KLHL2: variants seen among roughly 807,000 people sequenced by gnomAD.
KLHL2 encodes kelch-like protein 2.
In KLHL2, 15 loss-of-function variants were observed where a neutral mutation model predicts 75.8. The observed-to-expected ratio is 0.20, with a 90% CI of 0.13 to 0.30. The LOEUF is 0.30. Among genes scored for constraint, KLHL2 ranks in the 10% least tolerant of loss-of-function variants. KLHL2 has a pLI of 1.00. For synonymous variants in KLHL2, 214 were observed against 251.9 expected, an observed-to-expected ratio of 0.85 and a Z score of 1.42; for missense variants, 381 against 741.0, an observed-to-expected ratio of 0.51 and a Z score of 5.64.
intron 5 of KLHL2, among the ~76,000 whole-genome samples, chr4:165,276,942 T>A (rs1052053801): frequency 6.6e-6 from 1 of 152,192 alleles, no homozygotes; most frequent in African/African-American, 2.4e-5. Flanking sequence ...CTTCTTTTTT[T>A]AGGCTAAGAC....
chr4:165,226,644 T>C (rs1242904801), intron 2 of KLHL2, among the ~76,000 whole-genome samples: 1 of 152,190 alleles, frequency 6.6e-6, no homozygotes, highest in Non-Finnish European at 1.5e-5. Context: ...TCTGTAGAGG[T>C]AGTGCTTAAA....
At chr4:165,273,628 T>C (rs1166686261) in intron 5 of KLHL2, among the ~76,000 whole-genome samples, 1 of 152,190 alleles carries the variant, frequency 6.6e-6, no homozygotes, top group Admixed American at 6.5e-5. Flanking sequence ...CTCTCTCTCT[T>C]TGCCTGCTGC....
intron 6 of KLHL2, among the ~76,000 whole-genome samples, chr4:165,297,033 C>T (rs1156229939): frequency 6.6e-6 from 1 of 151,992 alleles, no homozygotes; most frequent in Non-Finnish European, 1.5e-5. Context: ...TATTTTTGGT[C>T]TCAGTTATCC....
chr4:165,228,802 C>T lies in KLHL2; in HGVS notation c.153-5C>T, dbSNP rs756268827. ...TTAAATTTTTTCTCTCTGCTTTTTACACAGTCAAAATTTGCTGTGCGATGT... is the reference window on the plus strand; with the variant it reads ...TTAAATTTTTTCTCTCTGCTTTTTATACAGTCAAAATTTGCTGTGCGATGT... On this transcript the variant is annotated splice_region_variant and splice_polypyrimidine_tract_variant and intron_variant, in intron 2 of 14. Coordinates refer to ENST00000226725, the MANE Select transcript of KLHL2 (RefSeq NM_007246.4). 1.1e-5 allele frequency: 18 copies of T among 1,601,236 alleles called. No individual in the cohort carries two copies. In the South Asian group the frequency reaches 1.8e-4, roughly 16 times the overall value.
At position 165,215,469 on chromosome 4, in the gene KLHL2, A is replaced by G. The variant is rs559456304; in HGVS notation, c.27-4465A>G. ...TAGAAGAAATATTATAAAGTAATGG[A>G]GAAACCTCAAAACATTACAGCATGG... On this transcript the variant is annotated intron_variant, in intron 1 of 14. Coordinates refer to ENST00000226725, the MANE Select transcript of KLHL2 (RefSeq NM_007246.4). Among the ~76,000 whole-genome samples, 8 of 152,340 alleles carry G rather than the reference A, an allele frequency of 5.3e-5. No individual in the cohort carries two copies. The East Asian group carries it at 1.4e-3, about 26-fold the overall frequency.
chr4:165,280,018 C>A (rs1275571744), intron 5 of KLHL2, among the ~76,000 whole-genome samples: 1 of 152,172 alleles, frequency 6.6e-6, no homozygotes, highest in African/African-American at 2.4e-5. Context: ...TCTGTTGGAC[C>A]TTTCTGGTAT....
chr4:165,300,113 A>G (rs1340591774), intron 8 of KLHL2, among the ~76,000 whole-genome samples: 1 of 151,978 alleles, frequency 6.6e-6, no homozygotes. Context: ...TCTACGTGAA[A>G]CCGTGTCTCT....
chr4:165,217,654 C>T (rs1317439469), intron 1 of KLHL2, among the ~76,000 whole-genome samples: 1 of 152,164 alleles, frequency 6.6e-6, no homozygotes, highest in Non-Finnish European at 1.5e-5. Flanking sequence ...TCAGGTGCTT[C>T]AACTAGTGCT....
At chr4:165,242,552 A>G (rs1739895411) in intron 4 of KLHL2, among the ~76,000 whole-genome samples, 1 of 152,088 alleles carries the variant, frequency 6.6e-6, no homozygotes, top group African/African-American at 2.4e-5. Flanking sequence ...GGCTGTGGTC[A>G]GTGGTGTGAT....
chr4:165,309,707 T>C (rs765625694), intron 9 of KLHL2, among the ~76,000 whole-genome samples: 1 of 152,228 alleles, frequency 6.6e-6, no homozygotes, highest in African/African-American at 2.4e-5. Context: ...TTGGTTGTTT[T>C]TCAGCCATTT....
chr4:165,264,645 C>T (rs1742005882), intron 5 of KLHL2, among the ~76,000 whole-genome samples: 1 of 137,410 alleles, frequency 7.3e-6, no homozygotes, highest in South Asian at 2.3e-4. Flanking sequence ...TATATGTACA[C>T]ACATGTATAT....
At position 165,207,911 on chromosome 4, in the gene KLHL2, G is replaced by T. The variant is rs1187799472; in HGVS notation, c.26+9G>T. ...CCGCCGCTGCCTCCCGCGTGAGTGA[G>T]CGGGCGGGCGGGCTGCGCCGCTGCG... On this transcript the variant is annotated intron_variant, in intron 1 of 14. Transcript: ENST00000226725. This position sits in a 1 kb window ranked among gnomAD's most constrained non-coding sequence, Gnocchi z 4.2. 1 of 1,412,886 alleles carries T rather than the reference G, an allele frequency of 7.1e-7. No individual in the cohort carries two copies. Among genetic ancestry groups the T allele is most frequent in the South Asian group, 1.4e-5 (1 of 72,144 alleles). 87.5% of individuals were successfully genotyped at this position (1,412,886 alleles called of 1,614,324 possible).
chr4:165,314,120 C>A lies in KLHL2; in HGVS notation c.1563C>A (p.Asn521Lys). 6.2e-7 allele frequency: 1 copy of A among 1,613,542 alleles called. No homozygotes were observed. Among genetic ancestry groups the A allele is most frequent in the Non-Finnish European group, 8.5e-7 (1 of 1,179,622 alleles). The change falls in exon 13 of 15, where the codon AAC (asparagine) becomes AAA (lysine). Residue 521 changes from asparagine to lysine, a missense_variant. Physicochemically the swap from Asn to Lys is moderately conservative, Grantham distance 94 (BLOSUM62 0). This residue lies in a region of KLHL2 where 168 missense variants were observed against 370.4 expected (regional missense o/e 0.45). Coordinates refer to ENST00000226725, the MANE Select transcript of KLHL2 (RefSeq NM_007246.4). ...TTGAAGTATATGATCCCACCACTAA[C>A]GCATGGAGACAGGTTGCAGATATGA... ...KSVEVYDPTTNAWRQVADMNM... is the reference protein window; with the variant it reads ...KSVEVYDPTTKAWRQVADMNM...
At chr4:165,271,359 C>G (rs558728783) in intron 5 of KLHL2, among the ~76,000 whole-genome samples, 4 of 152,196 alleles carry the variant, frequency 2.6e-5, no homozygotes, top group African/African-American at 9.6e-5. Context: ...TTGTAGAGTT[C>G]TTCACCTCCT....
rs142311172 is a variant in KLHL2, at chr4:165,309,785, G to A, written c.1040-768G>A. ...TAGTTCGCTGGACCAAATTTAGCCT[G>A]TAGCTGTAAATTTGCCGACCCCTGA... On this transcript the variant is annotated intron_variant, in intron 9 of 14. Coordinates refer to ENST00000226725, the MANE Select transcript of KLHL2 (RefSeq NM_007246.4). Among the ~76,000 whole-genome samples the A allele has an allele frequency of 3.9e-3, 587 of 152,278 alleles. 1 individual carries two copies. Among genetic ancestry groups the A allele is most frequent in the Middle Eastern group, 6.8e-3 (2 of 294 alleles).
chr4:165,249,023 C>CTTAG (rs1173826546), intron 4 of KLHL2, among the ~76,000 whole-genome samples: 1 of 152,172 alleles, frequency 6.6e-6, no homozygotes, highest in African/African-American at 2.4e-5. Flanking sequence ...ATGTTGACTG[C>CTTAG]TTAGATATCA....
intron 8 of KLHL2, among the ~76,000 whole-genome samples, chr4:165,304,324 C>G (rs79673091): frequency 0.021 from 3,145 of 152,280 alleles, 96 homozygotes; most frequent in African/African-American, 0.072. Context: ...CTCTCTGATT[C>G]AGGAATCATT....
intron 5 of KLHL2, among the ~76,000 whole-genome samples, chr4:165,292,401 C>T (rs778179293): frequency 2.0e-5 from 3 of 152,006 alleles, no homozygotes; most frequent in Non-Finnish European, 2.9e-5. Context: ...GGCGTGATCT[C>T]GGCTTACTGC....
chr4:165,276,227 A>G (rs532715109), intron 5 of KLHL2, among the ~76,000 whole-genome samples: 1 of 152,302 alleles, frequency 6.6e-6, no homozygotes, highest in South Asian at 2.1e-4. Context: ...TATATATCCC[A>G]GGCCCCGGCG....
Sources: gnomAD v4.1 joint callset for allele counts (sites outside exome capture counted in the v4.1 genomes callset) on GRCh38, gnomAD v4.1.1 for gene constraint, gnomAD v4.1.1 regional missense constraint, Gnocchi (gnomAD v3.1) non-coding constraint, MANE v1.5 for transcripts, NCBI Gene and HGNC (gene_info 2026-07-23, HGNC 2026-07-21) for gene names.